SSH2: variants seen among roughly 807,000 people sequenced by gnomAD.
SSH2 encodes the protein slingshot protein phosphatase 2, also known as protein phosphatase Slingshot homolog 2.
In SSH2, 37 loss-of-function variants were observed where a neutral mutation model predicts 135.2. That is an observed-to-expected ratio of 0.27 (90% CI 0.21 to 0.36). The LOEUF (loss-of-function observed/expected upper bound fraction) is 0.36. Among genes scored for constraint, SSH2 ranks in the 10% least tolerant of loss-of-function variants. SSH2 has a pLI of 1.00. For synonymous variants in SSH2, 628 were observed against 646.2 expected, an observed-to-expected ratio of 0.97 and a Z score of 0.43; for missense variants, 1,408 against 1,765.3, an observed-to-expected ratio of 0.80 and a Z score of 3.63.
chr17:29,691,958 G>A (rs1425264233), intron 5 of SSH2, among the ~76,000 whole-genome samples: 1 of 151,298 alleles, frequency 6.6e-6, no homozygotes, highest in African/African-American at 2.4e-5. Context: ...GGCCAACATG[G>A]TGAAAGCCTG....
intron 1 of SSH2, among the ~76,000 whole-genome samples, chr17:29,922,145 C>T (rs2066987171): frequency 1.3e-5 from 2 of 152,058 alleles, no homozygotes; most frequent in African/African-American, 4.8e-5. Flanking sequence ...AAGGAAACAG[C>T]ATGTGCAAAA....
intron 1 of SSH2, 127 bp downstream of exon 1, chr17:29,929,811 C>G (rs2067150019): frequency 1.2e-6 from 1 of 840,126 alleles, no homozygotes; most frequent in Non-Finnish European, 1.9e-6. Flanking sequence ...GGGGGGTTCG[C>G]GGCAGCCGAG....
At chr17:29,867,834 T>C (rs1673873672) in intron 1 of SSH2, among the ~76,000 whole-genome samples, 1 of 152,174 alleles carries the variant, frequency 6.6e-6, no homozygotes, top group African/African-American at 2.4e-5. Flanking sequence ...AACTGAAAGA[T>C]TTAGCTCTAG....
rs8080046 is a variant in SSH2 at position 29,631,213 on chromosome 17, G to T, written c.3981C>A (p.His1327Gln). 4.0e-4 allele frequency: 641 copies of T among 1,614,096 alleles called. 2 individuals are homozygous for T. In the African/African-American group the frequency reaches 8.0e-3, roughly 20 times the overall value. The change falls in exon 16 of 16, where the codon CAC becomes CAA. Residue 1327 changes from histidine (H) to glutamine (Q), a missense_variant. His to Gln is a conservative substitution (Grantham distance 24). This residue lies in a region of SSH2 where 1,080 missense variants were observed against 1,144.5 expected (regional missense o/e 0.94). Coordinates refer to ENST00000540801, the MANE Select transcript of SSH2 (RefSeq NM_001282129.2). Reference sequence around the variant, plus strand: ...CTAGGGACTCTTGGTCCTCCATCGCGTGCATGCCTGAGTCTGTTCTGAGGA... The same window carrying T: ...CTAGGGACTCTTGGTCCTCCATCGCTTGCATGCCTGAGTCTGTTCTGAGGA... ...QPFLRTDSGM[H>Q]AMEDQESLEN...
At chr17:29,731,825 T>TA in intron 3 of SSH2, among the ~76,000 whole-genome samples, 1 of 152,304 alleles carries the variant, frequency 6.6e-6, no homozygotes, top group Middle Eastern at 3.4e-3. Context: ...TATAGGGTAC[T>TA]AAACCCTATT....
intron 6 of SSH2, among the ~76,000 whole-genome samples, chr17:29,681,749 T>G (rs2037999591): frequency 6.6e-6 from 1 of 152,210 alleles, no homozygotes; most frequent in African/African-American, 2.4e-5. Context: ...TATTTGTACT[T>G]GTCATAATCT....
Position 29,888,197 on chromosome 17 carries a change from C to T in SSH2, c.64-39268G>A, listed in dbSNP as rs535276664. Among the ~76,000 whole-genome samples the T allele has an allele frequency of 2.6e-5, 4 of 152,238 alleles. No homozygotes were observed. The East Asian group carries it at 5.8e-4, about 22-fold the overall frequency. ...AGGCTGCAGTGAGCCATGATCATGC[C>T]ACTGCATTCCAGCCTGACCGAAAGA... On this transcript the variant is annotated intron_variant, in intron 1 of 15. Coordinates refer to ENST00000540801, the MANE Select transcript of SSH2 (RefSeq NM_001282129.2).
At chr17:29,846,048 T>C (rs915440515) in intron 2 of SSH2, among the ~76,000 whole-genome samples, 1 of 151,900 alleles carries the variant, frequency 6.6e-6, no homozygotes, top group African/African-American at 2.4e-5. Flanking sequence ...CAATTTTTTT[T>C]TTTTTTTTGA....
At chr17:29,859,288 TTTTC>T (rs2065719085) in intron 1 of SSH2, among the ~76,000 whole-genome samples, 1 of 152,172 alleles carries the variant, frequency 6.6e-6, no homozygotes, top group Non-Finnish European at 1.5e-5. Context: ...TTACACTTTT[TTTTC>T]TTTCTCTTTT....
At chr17:29,779,945 G>A (rs961480997) in intron 3 of SSH2, among the ~76,000 whole-genome samples, 12 of 151,622 alleles carry the variant, frequency 7.9e-5, no homozygotes, top group East Asian at 1.9e-4. Context: ...AACTCTGGCC[G>A]GGCACAGTAG....
At chr17:29,687,224 A>G (rs1475006574) in intron 5 of SSH2, among the ~76,000 whole-genome samples, 1 of 152,200 alleles carries the variant, frequency 6.6e-6, no homozygotes, top group Non-Finnish European at 1.5e-5. Context: ...CAAATGACCC[A>G]TTTAGCAAGG....
At chr17:29,835,108 T>C (rs1453103516) in intron 2 of SSH2, among the ~76,000 whole-genome samples, 2 of 152,334 alleles carry the variant, frequency 1.3e-5, no homozygotes, top group African/African-American at 4.8e-5. Context: ...CTATGGTATA[T>C]GAAACCTTTC....
At chr17:29,849,576 T>C (rs547971276) in intron 1 of SSH2, among the ~76,000 whole-genome samples, 4 of 151,910 alleles carry the variant, frequency 2.6e-5, no homozygotes, top group Non-Finnish European at 5.9e-5. Context: ...TTCATTTATC[T>C]TCACATCCAA....
chr17:29,648,910 G>C (rs186461517), intron 13 of SSH2, among the ~76,000 whole-genome samples: 501 of 152,344 alleles, frequency 3.3e-3, no homozygotes, highest in African/African-American at 0.012. Flanking sequence ...GGAGGCTGAG[G>C]CAGGTGGATC....
intron 3 of SSH2, among the ~76,000 whole-genome samples, chr17:29,720,544 T>C (rs2039788412): frequency 6.6e-6 from 1 of 152,142 alleles, no homozygotes; most frequent in Non-Finnish European, 1.5e-5. Context: ...TACTGCCTGG[T>C]TTTCTCTACT....
At chr17:29,893,517 CT>C (rs2066388799) in intron 1 of SSH2, among the ~76,000 whole-genome samples, 1 of 152,118 alleles carries the variant, frequency 6.6e-6, no homozygotes, top group Non-Finnish European at 1.5e-5. Context: ...ACATTTGTTC[CT>C]TCTACATGAG....
chr17:29,897,059 G>T (rs2066459132), intron 1 of SSH2, among the ~76,000 whole-genome samples: 1 of 151,700 alleles, frequency 6.6e-6, no homozygotes, highest in Non-Finnish European at 1.5e-5. Context: ...GAACAAAGAG[G>T]AATAAATAAC....
At chr17:29,773,019 GTCCA>G (rs35452901) in intron 3 of SSH2, among the ~76,000 whole-genome samples, 52,460 of 146,792 alleles carry the variant, frequency 0.36, 9,577 homozygotes, top group Middle Eastern at 0.4. Flanking sequence ...TTCCCCATCT[GTCCA>G]TCCATCCATC....
intron 12 of SSH2, 149 bp downstream of exon 12, chr17:29,655,412 T>C: frequency 3.7e-6 from 3 of 810,316 alleles, no homozygotes; most frequent in Non-Finnish European, 4.1e-6. Flanking sequence ...CCAGCTATTT[T>C]TATTTTTCTT....
Sources: allele counts gnomAD v4.1 joint callset (sites outside exome capture counted in the v4.1 genomes callset), GRCh38; gene constraint gnomAD v4.1.1; regional missense constraint gnomAD v4.1.1; transcripts MANE v1.5; gene names NCBI Gene and HGNC (gene_info 2026-07-23, HGNC 2026-07-21).